FAM200C: variants seen among roughly 807,000 people sequenced by gnomAD.
the FAM200C span, chr5:160,394,217 G>A: frequency 6.2e-7 from 1 of 1,611,526 alleles, no homozygotes; most frequent in Non-Finnish European, 8.5e-7. Context: ...AGGAAAATTG[G>A]TAAAATTTCT....
the FAM200C span, chr5:160,395,610 A>G: frequency 5.0e-6 from 4 of 794,440 alleles, no homozygotes; most frequent in African/African-American, 6.9e-5. Context: ...GCCACATCAC[A>G]TGCTATCTTG....
the FAM200C span, among the ~76,000 whole-genome samples, chr5:160,399,314 A>G: frequency 6.6e-6 from 1 of 152,238 alleles, no homozygotes; most frequent in Non-Finnish European, 1.5e-5. Context: ...CTCACAAAAC[A>G]AATATTTAGG....
chr5:160,398,836 T>A, the FAM200C span, among the ~76,000 whole-genome samples: 1 of 152,182 alleles, frequency 6.6e-6, no homozygotes, highest in East Asian at 1.9e-4. Context: ...ACGTAAACAT[T>A]AAAAAGCATC....
chr5:160,398,859 T>C, the FAM200C span, among the ~76,000 whole-genome samples: 1 of 152,236 alleles, frequency 6.6e-6, no homozygotes, highest in Admixed American at 6.5e-5. Context: ...GATAAGGAGA[T>C]ATTGTTAAAC....
At chr5:160,397,979 C>G in the FAM200C span, among the ~76,000 whole-genome samples, 211 of 152,320 alleles carry the variant, frequency 1.4e-3, no homozygotes, top group African/African-American at 4.9e-3. Context: ...CGGTGGCTCA[C>G]GCCTGCTACC....
At chr5:160,395,694 A>G in the FAM200C span, among the ~76,000 whole-genome samples, 1 of 152,236 alleles carries the variant, frequency 6.6e-6, no homozygotes. Flanking sequence ...ACTTAAAGCT[A>G]GCAACTCATA....
chr5:160,395,588 A>C, the FAM200C span: 1 of 939,836 alleles, frequency 1.1e-6, no homozygotes, highest in Non-Finnish European at 1.7e-6. Context: ...TGGCTAACTG[A>C]ATTAAAACAA....
At chr5:160,397,430 G>T in the FAM200C span, 1 of 152,112 alleles carries the variant, frequency 6.6e-6, no homozygotes, top group Non-Finnish European at 1.5e-5. Flanking sequence ...CCACAGGTAG[G>T]CTCAAATATA....
the FAM200C span, among the ~76,000 whole-genome samples, chr5:160,398,570 T>C: frequency 6.6e-6 from 1 of 152,178 alleles, no homozygotes; most frequent in East Asian, 1.9e-4. Flanking sequence ...CATTACAAGA[T>C]CTGTTAAGAG....
At chr5:160,396,540 C>A in the FAM200C span, among the ~76,000 whole-genome samples, 1 of 151,894 alleles carries the variant, frequency 6.6e-6, no homozygotes, top group African/African-American at 2.4e-5. Flanking sequence ...TGCCTGAGCT[C>A]AGGAGTTCGA....
At chr5:160,397,310 A>C in the FAM200C span, 1 of 152,212 alleles carries the variant, frequency 6.6e-6, no homozygotes, top group African/African-American at 2.4e-5. Flanking sequence ...TAGATATTTA[A>C]ATTTTCTACA....
the FAM200C span, chr5:160,395,391 T>C: frequency 6.2e-7 from 1 of 1,614,174 alleles, no homozygotes; most frequent in Non-Finnish European, 8.5e-7. Context: ...AATACTGAGT[T>C]ACACAACACA....
chr5:160,395,263 A>C, the FAM200C span: 1 of 1,614,062 alleles, frequency 6.2e-7, no homozygotes, highest in Non-Finnish European at 8.5e-7. Flanking sequence ...TCAAGGTTTC[A>C]CTCTGATCAG....
At chr5:160,395,241 C>T in the FAM200C span, 1 of 1,613,886 alleles carries the variant, frequency 6.2e-7, no homozygotes, top group African/African-American at 1.3e-5. Flanking sequence ...TGAGATGCAA[C>T]TCCAAATGCT....
the FAM200C span, among the ~76,000 whole-genome samples, chr5:160,399,340 T>C: frequency 6.6e-6 from 1 of 152,236 alleles, no homozygotes; most frequent in Non-Finnish European, 1.5e-5. Context: ...CTAATATATA[T>C]ATATTCCAGC....
the FAM200C span, chr5:160,393,980 A>G: frequency 6.2e-7 from 1 of 1,613,962 alleles, no homozygotes; most frequent in Non-Finnish European, 8.5e-7. Flanking sequence ...TTCCATTAGG[A>G]TTTGGCCACT....
chr5:160,394,672 C>G, the FAM200C span: 1 of 1,614,072 alleles, frequency 6.2e-7, no homozygotes, highest in Non-Finnish European at 8.5e-7. Context: ...CATGAGGATT[C>G]AATAAACAAT....
the FAM200C span, among the ~76,000 whole-genome samples, chr5:160,399,442 T>G: frequency 1.9e-4 from 29 of 152,230 alleles, no homozygotes; most frequent in African/African-American, 7.0e-4. Flanking sequence ...AAGATCATGA[T>G]AGGCGCAGGT....
At chr5:160,397,203 A>G in the FAM200C span, among the ~76,000 whole-genome samples, 9 of 152,344 alleles carry the variant, frequency 5.9e-5, no homozygotes, top group Non-Finnish European at 1.3e-4. Flanking sequence ...CAACCTGGTT[A>G]AGTAGTCAGG....
Sources: gnomAD v4.1 joint callset for allele counts (sites outside exome capture counted in the v4.1 genomes callset) on GRCh38, gnomAD v4.1.1 for gene constraint, MANE v1.5 for transcripts.